The following CSMD1 variants were observed in gnomAD, a reference collection of about 807,000 sequenced individuals.
CSMD1 encodes CUB and sushi domain-containing protein 1.
A neutral mutation model predicts 417.5 loss-of-function variants in CSMD1; 213 were observed. That is an observed-to-expected ratio of 0.51 (90% confidence interval 0.46 to 0.57). CSMD1 has a LOEUF of 0.57. Among genes scored for constraint, CSMD1 ranks in the 20% least tolerant of loss-of-function variants. CSMD1 has a pLI of 0.00. For missense variants in CSMD1, 6,923 were observed against 4,529.7 expected, an observed-to-expected ratio of 1.53 and a Z score of -15.17; for synonymous variants, 2,862 against 1,736.8, an observed-to-expected ratio of 1.65 and a Z score of -16.11.
chr8:3,156,511 G>A (rs150094590), intron 39 of CSMD1, among the ~76,000 whole-genome samples: 2 of 152,180 alleles, frequency 1.3e-5, no homozygotes, highest in African/African-American at 4.8e-5. Flanking sequence ...AGGAAGTAAA[G>A]TCAGGCACAT....
chr8:4,064,381 T>G lies in CSMD1; in HGVS notation c.416-32282A>C, dbSNP rs551799792. On this transcript the variant is annotated intron_variant, in intron 3 of 69. Transcript: ENST00000635120. ...ATCTCTGTTTAGGGTTTTCTGCAGT[T>G]GTTTTCTCCCTCAATGTTGAGAAGG... Among the ~76,000 whole-genome samples, 15 of 152,350 alleles carry G rather than the reference T, an allele frequency of 9.8e-5. No individual in the cohort carries two copies. In the East Asian group the frequency reaches 2.9e-3, roughly 29 times the overall value.
chr8:4,343,264 T>C (rs1009175172), intron 3 of CSMD1, among the ~76,000 whole-genome samples: 7 of 152,002 alleles, frequency 4.6e-5, no homozygotes, highest in Non-Finnish European at 1.0e-4. Flanking sequence ...AGGTTGCCAG[T>C]GGTTGTGGGG....
chr8:3,700,051 T>C (rs375740860), intron 7 of CSMD1, among the ~76,000 whole-genome samples: 2 of 152,124 alleles, frequency 1.3e-5, no homozygotes, highest in Admixed American at 6.5e-5. Flanking sequence ...GAGAACAAAG[T>C]AGAAAATATG....
At chr8:4,258,568 A>C (rs1803649372) in intron 3 of CSMD1, among the ~76,000 whole-genome samples, 1 of 151,440 alleles carries the variant, frequency 6.6e-6, no homozygotes, top group African/African-American at 2.4e-5. Flanking sequence ...GGAGGGAGGG[A>C]AGAATGGAAG....
At chr8:3,834,863 A>G (rs1802585529) in intron 5 of CSMD1, among the ~76,000 whole-genome samples, 1 of 152,032 alleles carries the variant, frequency 6.6e-6, no homozygotes, top group Non-Finnish European at 1.5e-5. Flanking sequence ...ACTCCAACAA[A>G]TTTACAAGAA....
At chr8:3,238,040 A>G (rs1166246690) in intron 26 of CSMD1, among the ~76,000 whole-genome samples, 6 of 151,916 alleles carry the variant, frequency 3.9e-5, no homozygotes, top group Non-Finnish European at 8.8e-5. Context: ...TGTGTGAGCA[A>G]TAAAGCTGTT....
At chr8:4,896,816 G>A (rs1804519541) in intron 1 of CSMD1, among the ~76,000 whole-genome samples, 1 of 152,032 alleles carries the variant, frequency 6.6e-6, no homozygotes, top group South Asian at 2.1e-4. Flanking sequence ...GGAAGTGCAG[G>A]GCTATCCAGT....
chr8:3,477,530 G>C (rs1817501774), intron 11 of CSMD1, among the ~76,000 whole-genome samples: 1 of 152,178 alleles, frequency 6.6e-6, no homozygotes, highest in African/African-American at 2.4e-5. Context: ...TATCTTTTCA[G>C]GCACCTGGGT....
intron 8 of CSMD1, among the ~76,000 whole-genome samples, chr8:3,614,430 C>A (rs967992652): frequency 2.0e-5 from 3 of 152,012 alleles, no homozygotes; most frequent in Non-Finnish European, 4.4e-5. Flanking sequence ...TAAGTCTGAT[C>A]TGAGAATGAA....
At chr8:4,196,088 G>T (rs991877152) in intron 3 of CSMD1, among the ~76,000 whole-genome samples, 2 of 152,120 alleles carry the variant, frequency 1.3e-5, no homozygotes, top group Non-Finnish European at 2.9e-5. Flanking sequence ...ACGGGCGCCT[G>T]TAGTCCCAGC....
chr8:3,110,114 G>C lies in CSMD1; in HGVS notation c.6608+44C>G, dbSNP rs150803391. 8 of 1,499,516 alleles carry C rather than the reference G, an allele frequency of 5.3e-6. No individual in the cohort carries two copies. The Admixed American group carries it at 1.0e-4, about 19-fold the overall frequency. 92.9% of individuals were successfully genotyped at this position (1,499,516 alleles called of 1,614,324 possible). ...GGCATATGTATGCTAAGTCAGAATT[G>C]TTGATCACAATTACAGATATTTTGA... On this transcript the variant is annotated intron_variant, in intron 43 of 69. Coordinates refer to ENST00000635120, the MANE Select transcript of CSMD1 (RefSeq NM_033225.6).
intron 6 of CSMD1, among the ~76,000 whole-genome samples, chr8:3,728,802 T>C (rs73658225): frequency 0.028 from 4,209 of 152,324 alleles, 178 homozygotes; most frequent in African/African-American, 0.096. Flanking sequence ...ATTCAGCACA[T>C]TGACTGATAA....
chr8:4,698,907 C>A (rs1347606190), intron 1 of CSMD1, among the ~76,000 whole-genome samples: 1 of 120,606 alleles, frequency 8.3e-6, no homozygotes, highest in African/African-American at 3.9e-5. Flanking sequence ...CCTCCCAACA[C>A]ACACACACAC....
At chr8:4,085,481 C>A (rs909666220) in intron 3 of CSMD1, among the ~76,000 whole-genome samples, 1 of 152,088 alleles carries the variant, frequency 6.6e-6, no homozygotes, top group Non-Finnish European at 1.5e-5. Flanking sequence ...CAGTTTAAAA[C>A]CCCTTGGATA....
chr8:3,191,146 G>C (rs1319930075), intron 33 of CSMD1, among the ~76,000 whole-genome samples: 1 of 152,156 alleles, frequency 6.6e-6, no homozygotes, highest in Admixed American at 6.5e-5. Context: ...AAGTCACCTA[G>C]GATGAGCTCA....
At chr8:3,431,794 C>G (rs1814232790) in intron 12 of CSMD1, among the ~76,000 whole-genome samples, 1 of 152,190 alleles carries the variant, frequency 6.6e-6, no homozygotes, top group African/African-American at 2.4e-5. Flanking sequence ...CCTATTTATT[C>G]ATAACATTGG....
intron 3 of CSMD1, among the ~76,000 whole-genome samples, chr8:4,075,996 G>A (rs1425699865): frequency 6.6e-6 from 1 of 152,132 alleles, no homozygotes; most frequent in Admixed American, 6.6e-5. Context: ...TTCTCTGGGA[G>A]GGTGGAGGGG....
chr8:4,396,569 A>T (rs776674411), intron 3 of CSMD1, among the ~76,000 whole-genome samples: 2 of 152,084 alleles, frequency 1.3e-5, no homozygotes, highest in Non-Finnish European at 2.9e-5. Context: ...CGCAACTGCA[A>T]CCAGCCTAAA....
chr8:4,149,098 G>A lies in CSMD1; in HGVS notation c.416-116999C>T, dbSNP rs186066246. The stretch of plus-strand genomic sequence containing the variant: ...CCTGCCTCAGCCTCCCAAGTAGCTG[G>A]GATTACAGGCGTGTACCACCACACC... On this transcript the variant is annotated intron_variant, in intron 3 of 69. Coordinates refer to ENST00000635120, the MANE Select transcript of CSMD1 (RefSeq NM_033225.6). Among the ~76,000 whole-genome samples, 1,333 of 152,002 alleles carry A rather than the reference G, an allele frequency of 8.8e-3. 22 individuals are homozygous for A. Among genetic ancestry groups the A allele is most frequent in the African/African-American group, 0.031 (1,276 of 41,422 alleles).
Sources: allele counts gnomAD v4.1 joint callset (sites outside exome capture counted in the v4.1 genomes callset), GRCh38; gene constraint gnomAD v4.1.1; transcripts MANE v1.5; gene names NCBI Gene and HGNC (gene_info 2026-07-23, HGNC 2026-07-21).